Variants in SCN11A observed in about 807,000 individuals in gnomAD.
SCN11A encodes sodium channel protein type 11 subunit alpha.
Under a neutral mutation model 162.2 loss-of-function variants are expected in SCN11A, and 122 were observed. The ratio of observed to expected loss-of-function variants is 0.75; its 90% confidence interval spans 0.65 to 0.87. The LOEUF is 0.87. SCN11A is among the 40% of genes least tolerant of loss of function. SCN11A has a pLI of 0.00. For missense variants in SCN11A, 2,015 were observed against 2,181.6 expected, an observed-to-expected ratio of 0.92 and a Z score of 1.52; for synonymous variants, 758 against 751.5, an observed-to-expected ratio of 1.01 and a Z score of -0.14.
intron 14 of SCN11A, among the ~76,000 whole-genome samples, chr3:38,905,695 A>T (rs1338778541): frequency 6.6e-6 from 1 of 152,258 alleles, no homozygotes; most frequent in Non-Finnish European, 1.5e-5. Flanking sequence ...TTTAAAGGTA[A>T]GAAGTGGAGT....
At chr3:38,882,223 T>C (rs2065321116) in intron 22 of SCN11A, among the ~76,000 whole-genome samples, 1 of 152,196 alleles carries the variant, frequency 6.6e-6, no homozygotes, top group South Asian at 2.1e-4. Context: ...GGCTCTGGTA[T>C]GTATTCATCT....
intron 1 of SCN11A, among the ~76,000 whole-genome samples, chr3:39,042,560 G>A (rs1245000603): frequency 1.3e-5 from 2 of 152,212 alleles, no homozygotes; most frequent in East Asian, 3.9e-4. Context: ...CAGAATGGGA[G>A]AAAATATTAG....
chr3:38,983,335 TAGTTA>T (rs1333940361), intron 2 of SCN11A, among the ~76,000 whole-genome samples: 1 of 152,182 alleles, frequency 6.6e-6, no homozygotes, highest in East Asian at 1.9e-4. Context: ...TGAACTCCCC[TAGTTA>T]AGTTAAGGCT....
chr3:38,904,962 C>A (rs2065769069), intron 15 of SCN11A, among the ~76,000 whole-genome samples: 1 of 152,220 alleles, frequency 6.6e-6, no homozygotes, highest in Non-Finnish European at 1.5e-5. Context: ...CAGCTTCCAC[C>A]TCTACCCAGG....
At chr3:38,977,531 T>A (rs558902348) in intron 2 of SCN11A, among the ~76,000 whole-genome samples, 1 of 152,366 alleles carries the variant, frequency 6.6e-6, no homozygotes, top group East Asian at 1.9e-4. Context: ...TGATACATCA[T>A]AAGTGCTCAA....
intron 2 of SCN11A, among the ~76,000 whole-genome samples, chr3:39,021,588 C>A (rs147205828): frequency 6.6e-6 from 1 of 152,114 alleles, no homozygotes; most frequent in African/African-American, 2.4e-5. Flanking sequence ...GTTGTGGGGA[C>A]CTGAGTGAAG....
In SCN11A at chr3:39,020,224, T is replaced by A. The variant is rs529144882; in HGVS notation, c.-280+12156A>T. Reference sequence around the variant, plus strand: ...TTCAACAAATCTCAATTAAAGTTTCTATTTGGGAAAATTTATAGATTTCTT... The same window carrying A: ...TTCAACAAATCTCAATTAAAGTTTCAATTTGGGAAAATTTATAGATTTCTT... On this transcript the variant is annotated intron_variant, in intron 2 of 29. Coordinates refer to ENST00000302328, the MANE Select transcript of SCN11A (RefSeq NM_001349253.2). Among the ~76,000 whole-genome samples, 349 of 152,360 alleles carry A rather than the reference T, an allele frequency of 2.3e-3. 3 individuals carry two copies. The highest frequency in any genetic ancestry group is 7.7e-3 in the African/African-American group (322 of 41,594).
At chr3:38,960,752 C>G (rs2066733892) in intron 2 of SCN11A, among the ~76,000 whole-genome samples, 1 of 152,186 alleles carries the variant, frequency 6.6e-6, no homozygotes. Context: ...CCCACAGGAC[C>G]CACTGAGGCC....
At chr3:39,028,669 G>C (rs907188225) in intron 2 of SCN11A, among the ~76,000 whole-genome samples, 30 of 152,180 alleles carry the variant, frequency 2.0e-4, no homozygotes, top group African/African-American at 7.2e-4. Context: ...CAAGAGCTTT[G>C]TACTGCATCA....
intron 19 of SCN11A, among the ~76,000 whole-genome samples, chr3:38,890,090 A>G (rs2065474118): frequency 6.6e-6 from 1 of 151,982 alleles, no homozygotes; most frequent in Non-Finnish European, 1.5e-5. Context: ...CCCTTTTTCC[A>G]TCTAGCCCTC....
chr3:38,883,248 C>T lies in SCN11A; in HGVS notation c.3204G>A (p.Leu1068=), dbSNP rs777809464. Residue 1068 remains leucine (L), a synonymous_variant, in exon 22 of 30, where the codon CTG becomes CTA. Coordinates refer to ENST00000302328, the MANE Select transcript of SCN11A (RefSeq NM_001349253.2). ...FESFIIFVIL[L]SSGALIFEDV... is the part of the protein sequence containing the mutation. ...GATGATTTACCAGTGCCCCACTGCT[C>T]AGCAGAATCACAAAGATAATAAAGC... 6.2e-7 allele frequency: 1 copy of T among 1,613,480 alleles called. No homozygotes were observed. Among genetic ancestry groups the T allele is most frequent in the South Asian group, 1.1e-5 (1 of 90,978 alleles).
chr3:38,909,163 A>C lies in SCN11A; in HGVS notation c.1133T>G (p.Phe378Cys), dbSNP rs2065848679. 1.9e-6 allele frequency: 3 copies of C among 1,614,048 alleles called. No homozygotes were observed. ...TLRTTGLYSV[F>C]FFIVVIFLGS... The stretch of plus-strand genomic sequence containing the variant: ...CAGGAAAATGACCACAATGAAGAAG[A>C]AGACTGAGTAGAGCCCAGTAGTACG... The change falls in exon 13 of 30, where the codon TTC (phenylalanine) becomes TGC (cysteine). Residue 378 changes from phenylalanine (F) to cysteine (C), a missense_variant. By Grantham distance (205) the Phe-to-Cys change is radical. Transcript: ENST00000302328.
intron 14 of SCN11A, among the ~76,000 whole-genome samples, chr3:38,907,113 T>C (rs930075006): frequency 2.0e-5 from 3 of 151,808 alleles, no homozygotes; most frequent in African/African-American, 7.3e-5. Flanking sequence ...CCATTGCTTT[T>C]CCCCCAGGCC....
intron 1 of SCN11A, among the ~76,000 whole-genome samples, chr3:39,041,740 T>C (rs1235094284): frequency 2.0e-5 from 3 of 151,726 alleles, no homozygotes; most frequent in Admixed American, 1.3e-4. Flanking sequence ...ATAACCACCA[T>C]CATGAAAACA....
intron 7 of SCN11A, among the ~76,000 whole-genome samples, chr3:38,939,630 G>A (rs920373198): frequency 1.4e-4 from 22 of 152,094 alleles, no homozygotes; most frequent in Non-Finnish European, 2.4e-4. Flanking sequence ...AAGGCCGGGC[G>A]CAGTGGCTCT....
intron 1 of SCN11A, among the ~76,000 whole-genome samples, chr3:39,038,731 AT>A (rs1191540859): frequency 6.6e-5 from 10 of 152,228 alleles, no homozygotes; most frequent in Non-Finnish European, 5.9e-5. Flanking sequence ...TCGTATCCAC[AT>A]TCTGATACTT....
In SCN11A at chr3:38,847,174, C is replaced by T; in HGVS notation, c.4896G>A (p.Lys1632=). 6.2e-7 allele frequency: 1 copy of T among 1,614,150 alleles called. No individual in the cohort carries two copies. The highest frequency in any genetic ancestry group is 1.7e-4 in the Middle Eastern group (1 of 6,058). The change falls in exon 30 of 30, where the codon AAG becomes AAA. Residue 1632 remains lysine (K), a synonymous_variant. Coordinates refer to ENST00000302328, the MANE Select transcript of SCN11A (RefSeq NM_001349253.2). ...TAAATTGTGTTGCTTCTGGGTCAAA[C>T]TTTTCCCACACTTCATAAAATATGT... ...DFDIFYEVWE[K]FDPEATQFIK...
At chr3:38,874,459 A>T (rs1421769321) in intron 23 of SCN11A, among the ~76,000 whole-genome samples, 1 of 152,112 alleles carries the variant, frequency 6.6e-6, no homozygotes, top group Non-Finnish European at 1.5e-5. Context: ...TTAGCTGGGC[A>T]TGGTGGTGGG....
intron 7 of SCN11A, among the ~76,000 whole-genome samples, chr3:38,937,806 G>C (rs745719270): frequency 2.6e-5 from 4 of 152,220 alleles, no homozygotes; most frequent in African/African-American, 2.4e-5. Context: ...TTCAACCCTT[G>C]GGGAAGTCAG....
Sources: allele counts gnomAD v4.1 joint callset (sites outside exome capture counted in the v4.1 genomes callset), GRCh38; gene constraint gnomAD v4.1.1; transcripts MANE v1.5; gene names NCBI Gene and HGNC (gene_info 2026-07-23, HGNC 2026-07-21).